Variants in OTX1 observed in about 807,000 individuals in gnomAD.
The protein encoded by OTX1 is homeobox protein OTX1.
In OTX1, 7 loss-of-function variants were observed where a neutral mutation model predicts 26.7. That is an observed-to-expected ratio of 0.26 (90% CI 0.15 to 0.49). The LOEUF is 0.49. Among genes scored for constraint, OTX1 ranks in the 20% least tolerant of loss-of-function variants. The pLI is 0.98. For missense variants in OTX1, 414 were observed against 483.8 expected (o/e 0.86, Z 1.35); for synonymous variants, 216 against 212.8 (o/e 1.01, Z -0.13).
intron 2 of OTX1, among the ~76,000 whole-genome samples, chr2:63,052,429 T>C (rs1471199158): frequency 6.6e-6 from 1 of 152,250 alleles, no homozygotes; most frequent in Non-Finnish European, 1.5e-5. Context: ...CCCTCCACAT[T>C]GGCCCTTTGT....
chr2:63,055,894 G>A lies in OTX1; in HGVS notation c.643G>A (p.Ala215Thr), dbSNP rs2062063232. The A allele has an allele frequency of 6.2e-7, 1 of 1,611,974 alleles. No homozygotes were observed. Residue 215 changes from alanine to threonine, a missense_variant, in exon 5 of 5, where the codon GCC becomes ACC. This residue lies in a region of OTX1 where 320 missense variants were observed against 347.9 expected (regional missense o/e 0.92). Coordinates refer to ENST00000282549, the MANE Select transcript of OTX1 (RefSeq NM_014562.4). The surrounding 1 kb of genome is among the most constrained non-coding windows in gnomAD (Gnocchi z 5.2). ...CMQRSVAAGA[A>T]TAAASYPMSY... ...GCAGCGCTCCGTAGCTGCAGGCGCCGCCACCGCAGCAGCCTCTTATCCCAT... is the reference window on the plus strand; with the variant it reads ...GCAGCGCTCCGTAGCTGCAGGCGCCACCACCGCAGCAGCCTCTTATCCCAT...
chr2:63,053,332 T>C (rs2062039603), intron 3 of OTX1: 1 of 432,992 alleles, frequency 2.3e-6, no homozygotes, highest in African/African-American at 2.1e-5. Context: ...CCGGCAACCT[T>C]TCTCCGGTTG....
In OTX1 at chr2:63,055,918, A is replaced by C; in HGVS notation, c.667A>C (p.Met223Leu). ...GAATAAASYP[M>L]SYGQGGSYGQ... ...CGCCACCGCAGCAGCCTCTTATCCCATGTCCTACGGCCAGGGCGGCAGCTA... is the reference window on the plus strand; with the variant it reads ...CGCCACCGCAGCAGCCTCTTATCCCCTGTCCTACGGCCAGGGCGGCAGCTA... The change falls in exon 5 of 5, where the codon ATG (methionine) becomes CTG (leucine). Residue 223 changes from methionine to leucine, a missense_variant. By Grantham distance (15) the Met-to-Leu change is conservative. Transcript: ENST00000282549. This position sits in a 1 kb window ranked among gnomAD's most constrained non-coding sequence, Gnocchi z 5.2. 1 of 1,612,684 alleles carries C rather than the reference A, an allele frequency of 6.2e-7. No individual in the cohort carries two copies. The highest frequency in any genetic ancestry group is 8.5e-7 in the Non-Finnish European group (1 of 1,179,996).
At chr2:63,054,003 A>C (rs1431952503) in intron 3 of OTX1, 44 bp from the exon 4 acceptor site, 1 of 1,598,838 alleles carries the variant, frequency 6.3e-7, no homozygotes, top group Non-Finnish European at 8.5e-7. Flanking sequence ...TCGCGGGTCC[A>C]CGTGGCCACC....
chr2:63,050,032 G>A (rs2062011263), upstream of OTX1: 1 of 152,366 alleles, frequency 6.6e-6, no homozygotes, highest in African/African-American at 2.4e-5. Flanking sequence ...CAATTAAGAA[G>A]TAGGGTGTAC....
At chr2:63,053,609 T>A in intron 3 of OTX1, 1 of 173,026 alleles carries the variant, frequency 5.8e-6, no homozygotes, top group Non-Finnish European at 1.2e-5. Context: ...GGGGTTTCTT[T>A]TTTAGCTCCC....
chr2:63,053,075 G>A lies in OTX1; in HGVS notation c.85G>A (p.Val29Met). 6.3e-7 allele frequency: 1 copy of A among 1,584,996 alleles called. No individual in the cohort carries two copies. Among genetic ancestry groups the A allele is most frequent in the Non-Finnish European group, 8.6e-7 (1 of 1,168,702 alleles). Residue 29 changes from valine to methionine, a missense_variant, in exon 3 of 5, where the codon GTG (valine) becomes ATG (methionine). Coordinates refer to ENST00000282549, the MANE Select transcript of OTX1 (RefSeq NM_014562.4). ...GPAMDLLHPS[V>M]GYPATPRKQR... ...CGCCATGGACCTCCTGCACCCATCC[G>A]TGGGCTATCCGGGTGAGCACCAGCC...
intron 2 of OTX1, chr2:63,052,201 C>G (rs1165084014): frequency 6.6e-6 from 1 of 152,332 alleles, no homozygotes; most frequent in African/African-American, 2.4e-5. Flanking sequence ...CTTGGGGTCG[C>G]CCCCCTCTAC....
intron 2 of OTX1, among the ~76,000 whole-genome samples, 163 bp from the exon 3 acceptor site, chr2:63,052,717 C>T (rs1414481227): frequency 6.6e-6 from 1 of 152,226 alleles, no homozygotes; most frequent in Non-Finnish European, 1.5e-5. Context: ...ACCCAGAAAA[C>T]TTTACTTTTC....
Position 63,052,943 on chromosome 2 carries a change from GC to G in OTX1, c.-44del, listed in dbSNP as rs2153387856. 7.5e-7 allele frequency: 1 copy of G among 1,341,614 alleles called. No homozygotes were observed. The allele number at this position is 1,341,614 out of a possible 1,614,324, so 83.1% of individuals were successfully genotyped here. A position where few individuals can be genotyped will look rare whatever the true frequency, so the allele number is the denominator to read the frequency against. On this transcript the variant is annotated 5_prime_UTR_variant, in exon 3 of 5. Transcript: ENST00000282549. Reference sequence around the variant, plus strand: ...TGGTGGGAGCCCTGCACCGCTCCTGGCCCCGGGCCCCCTGGATCCGTCGGGG... The same window carrying G: ...TGGTGGGAGCCCTGCACCGCTCCTGGCCCGGGCCCCCTGGATCCGTCGGGG...
upstream of OTX1, chr2:63,050,289 C>T (rs2062014209): frequency 6.6e-6 from 1 of 152,276 alleles, no homozygotes; most frequent in African/African-American, 2.4e-5. Flanking sequence ...CCCGCGGCGT[C>T]GGTCTCAGGT....
Position 63,056,931 on chromosome 2 carries a change from C to A in OTX1, c.*615C>A, listed in dbSNP as rs1317193898. The A allele has an allele frequency of 6.6e-6, 1 of 152,598 alleles. No homozygotes were observed. Among genetic ancestry groups the A allele is most frequent in the African/African-American group, 2.4e-5 (1 of 41,432 alleles). 9.5% of individuals were successfully genotyped at this position (152,598 alleles called of 1,614,324 possible). On this transcript the variant is annotated 3_prime_UTR_variant, in exon 5 of 5. Coordinates refer to ENST00000282549, the MANE Select transcript of OTX1 (RefSeq NM_014562.4). ...CAGGGCTAGGCCCGCCGGAGGAGCG[C>A]GTCCCCAGCCTTCCGCGCACAGAGC...
upstream of OTX1, among the ~76,000 whole-genome samples, chr2:63,049,864 T>C (rs2062010273): frequency 2.0e-5 from 3 of 152,098 alleles, no homozygotes; most frequent in South Asian, 6.2e-4. The surrounding 1 kb of genome is among the most constrained non-coding windows in gnomAD (Gnocchi z 4.8). Flanking sequence ...GTACGAACAA[T>C]CCGGGGAAAT....
At position 63,056,086 on chromosome 2, in the gene OTX1, C is replaced by T; in HGVS notation, c.835C>T (p.His279Tyr). The T allele has an allele frequency of 3.7e-6, 6 of 1,614,062 alleles. No individual in the cohort carries two copies. The highest frequency in any genetic ancestry group is 5.1e-6 in the Non-Finnish European group (6 of 1,180,010). Residue 279 changes from histidine to tyrosine, a missense_variant, in exon 5 of 5, where the codon CAC (histidine) becomes TAC (tyrosine). This residue lies in a region of OTX1 where 320 missense variants were observed against 347.9 expected (regional missense o/e 0.92). Coordinates refer to ENST00000282549, the MANE Select transcript of OTX1 (RefSeq NM_014562.4). Reference protein sequence around the residue: ...PSSMAGHHHHHPHAHHPLSQS... With the variant: ...PSSMAGHHHHYPHAHHPLSQS... ...CTCCATGGCGGGCCACCATCATCAC[C>T]ACCCACATGCGCACCACCCGTTGAG...
In OTX1 at chr2:63,055,962, G is replaced by C; in HGVS notation, c.711G>C (p.Thr237=). 1 of 1,613,340 alleles carries C rather than the reference G, an allele frequency of 6.2e-7. No individual in the cohort carries two copies. The highest frequency in any genetic ancestry group is 1.1e-5 in the South Asian group (1 of 91,072). Residue 237 remains threonine (T), a synonymous_variant, in exon 5 of 5, where the codon ACG becomes ACC. Coordinates refer to ENST00000282549, the MANE Select transcript of OTX1 (RefSeq NM_014562.4). The surrounding 1 kb of genome is among the most constrained non-coding windows in gnomAD (Gnocchi z 5.2). ...QGGSYGQGYP[T]PSSSYFGGVD... is the part of the protein sequence containing the mutation. Reference sequence around the variant, plus strand: ...GCAGCTACGGCCAAGGCTACCCTACGCCCTCCTCTTCCTACTTTGGCGGCG... The same window carrying C: ...GCAGCTACGGCCAAGGCTACCCTACCCCCTCCTCTTCCTACTTTGGCGGCG...
chr2:63,053,214 G>C, intron 3 of OTX1, 127 bp downstream of exon 3: 1 of 622,914 alleles, frequency 1.6e-6, no homozygotes. Flanking sequence ...AGGGCCCACT[G>C]TCTGTTTACA....
Position 63,056,045 on chromosome 2 carries a change from G to T in OTX1, c.794G>T (p.Ser265Ile), listed in dbSNP as rs772521089. The T allele has an allele frequency of 6.2e-7, 1 of 1,613,324 alleles. No individual in the cohort carries two copies. Among genetic ancestry groups the T allele is most frequent in the Non-Finnish European group, 8.5e-7 (1 of 1,179,506 alleles). The change falls in exon 5 of 5, where the codon AGC becomes ATC. Residue 265 changes from serine (S) to isoleucine (I), a missense_variant. By Grantham distance (142) the Ser-to-Ile change is moderately radical. Around this residue, in one of 3 missense-constraint regions of OTX1, gnomAD observed 320 missense variants for 347.9 expected, o/e 0.92. Transcript: ENST00000282549. ...MHSHHHPHQLSPMAPSSMAGH... is the reference protein window; with the variant it reads ...MHSHHHPHQLIPMAPSSMAGH... ...TCACATCACCACCCGCACCAGCTCA[G>T]CCCCATGGCACCCTCCTCCATGGCG...
intron 4 of OTX1, 104 bp downstream of exon 4, chr2:63,054,302 G>C: frequency 8.2e-7 from 1 of 1,212,596 alleles, no homozygotes; most frequent in East Asian, 2.9e-5. Context: ...ATCCTGTGGG[G>C]GTGGGCTTAC....
At position 63,055,844 on chromosome 2, in the gene OTX1, C is replaced by A; in HGVS notation, c.593C>A (p.Ala198Asp). ...PASVSVPEPL[A>D]APSNTSCMQR... ...TCCGTGTCGGTGCCGGAGCCATTGG[C>A]CGCGCCTAGCAACACCTCGTGTATG... Residue 198 changes from alanine to aspartate, a missense_variant, in exon 5 of 5, where the codon GCC (alanine) becomes GAC (aspartate). Ala to Asp is a moderately radical substitution (Grantham distance 126). Transcript: ENST00000282549. This position sits in a 1 kb window ranked among gnomAD's most constrained non-coding sequence, Gnocchi z 5.2. The A allele has an allele frequency of 6.2e-7, 1 of 1,612,022 alleles. No homozygotes were observed.
Sources: gnomAD v4.1 joint callset for allele counts (sites outside exome capture counted in the v4.1 genomes callset) on GRCh38, gnomAD v4.1.1 for gene constraint, gnomAD v4.1.1 regional missense constraint, Gnocchi (gnomAD v3.1) non-coding constraint, MANE v1.5 for transcripts, NCBI Gene and HGNC (gene_info 2026-07-23, HGNC 2026-07-21) for gene names.